The following POPDC3 variants were observed in gnomAD, a reference collection of about 807,000 sequenced individuals.
POPDC3 encodes the protein popeye domain-containing protein 3.
POPDC3 carries 20 observed loss-of-function variants against 28.2 expected under a neutral mutation model. The ratio of observed to expected loss-of-function variants is 0.71; its 90% CI spans 0.50 to 1.03. The LOEUF is 1.03. Among genes scored for constraint, POPDC3 ranks in the 50% least tolerant of loss-of-function variants. The pLI, the probability that POPDC3 is intolerant of heterozygous loss-of-function variation, is 0.00. For missense variants in POPDC3, 316 were observed against 345.9 expected (o/e 0.91, Z 0.69); for synonymous variants, 118 against 124.1 (o/e 0.95, Z 0.33).
At chr6:105,179,106 T>G (rs1045074638) in intron 1 of POPDC3, 1 of 985,336 alleles carries the variant, frequency 1.0e-6, no homozygotes, top group Non-Finnish European at 1.2e-6. Context: ...TTACTGTATT[T>G]TGGTTGTGCC....
intron 1 of POPDC3, among the ~76,000 whole-genome samples, chr6:105,164,327 A>C (rs1267757821): frequency 6.6e-6 from 1 of 152,196 alleles, no homozygotes; most frequent in Non-Finnish European, 1.5e-5. Context: ...GATTTGTAGG[A>C]TATATTGGGG....
intron 1 of POPDC3, among the ~76,000 whole-genome samples, chr6:105,171,019 T>G (rs1774566306): frequency 6.6e-6 from 1 of 152,166 alleles, no homozygotes; most frequent in African/African-American, 2.4e-5. Flanking sequence ...ATGAGCATGT[T>G]TTTATATAGG....
intron 1 of POPDC3, chr6:105,176,979 T>G: frequency 5.1e-6 from 1 of 194,580 alleles, no homozygotes; most frequent in Non-Finnish European, 9.4e-6. Flanking sequence ...AACAGCTGCA[T>G]TATTTGTATT....
In POPDC3 at chr6:105,163,497, A is replaced by G. The variant is rs562725142; in HGVS notation, c.-251-1337T>C. Among the ~76,000 whole-genome samples the G allele has an allele frequency of 2.0e-5, 3 of 152,356 alleles. No individual in the cohort carries two copies. In the South Asian group the frequency reaches 6.2e-4, roughly 32 times the overall value. On this transcript the variant is annotated intron_variant, in intron 1 of 3. Transcript: ENST00000254765. The stretch of plus-strand genomic sequence containing the variant: ...TTTTTTAAAACCATGGTAACATTCA[A>G]AAGCCTTGAACTTGTGTGCTATATT...
In POPDC3 at chr6:105,158,273, T is replaced by A; in HGVS notation, c.*197A>T. The A allele has an allele frequency of 1.9e-6, 1 of 521,868 alleles. No homozygotes were observed. Among genetic ancestry groups the A allele is most frequent in the Non-Finnish European group, 3.3e-6 (1 of 300,728 alleles). The allele number at this position is 521,868 out of a possible 1,614,324, so 32.3% of individuals were successfully genotyped here. A position where few individuals can be genotyped will look rare whatever the true frequency, so the allele number is the denominator to read the frequency against. On this transcript the variant is annotated 3_prime_UTR_variant, in exon 4 of 4. Transcript: ENST00000254765. Reference sequence around the variant, plus strand: ...TCCACCCCCTCCCCAATTATAACAATGAGAAATACAAGAAAAATTTGTAAA... The same window carrying A: ...TCCACCCCCTCCCCAATTATAACAAAGAGAAATACAAGAAAAATTTGTAAA...
intron 1 of POPDC3, among the ~76,000 whole-genome samples, chr6:105,168,281 C>T (rs973955018): frequency 6.6e-6 from 1 of 152,048 alleles, no homozygotes; most frequent in Non-Finnish European, 1.5e-5. Context: ...TTAATTTTCT[C>T]ATTTCATCTT....
intron 1 of POPDC3, among the ~76,000 whole-genome samples, chr6:105,165,051 T>C (rs1255906204): frequency 6.6e-6 from 1 of 152,212 alleles, no homozygotes; most frequent in Non-Finnish European, 1.5e-5. Flanking sequence ...CATGTCCAGC[T>C]TACAAATGAG....
chr6:105,169,144 A>G (rs1422923130), intron 1 of POPDC3: 2 of 152,242 alleles, frequency 1.3e-5, no homozygotes, highest in Non-Finnish European at 2.9e-5. Flanking sequence ...AAACACACAC[A>G]TAAACAGTTA....
chr6:105,174,666 AC>A (rs1442124695), intron 1 of POPDC3, among the ~76,000 whole-genome samples: 1 of 152,172 alleles, frequency 6.6e-6, no homozygotes, highest in Non-Finnish European at 1.5e-5. Flanking sequence ...GTTAAGTCAA[AC>A]CATTGTGAGT....
rs769396346 is a variant in POPDC3, at chr6:105,158,525, C to T, written c.821G>A (p.Arg274His). The T allele has an allele frequency of 2.0e-5, 32 of 1,613,678 alleles. No homozygotes were observed. In the Admixed American group the frequency reaches 3.3e-4, roughly 17 times the overall value. Residue 274 changes from arginine to histidine, a missense_variant, in exon 4 of 4, where the codon CGC (arginine) becomes CAC (histidine). Transcript: ENST00000254765. ...NFYQMSTPEI[R>H]RSPLTQHFQN... ...AAAATGTTGTGTCAGGGGTGATCTG[C>T]GTATTTCTGGAGTTGACATTTGATA...
At chr6:105,168,744 C>T (rs775011758) in intron 1 of POPDC3, 5 of 152,160 alleles carry the variant, frequency 3.3e-5, no homozygotes, top group Admixed American at 1.3e-4. Context: ...TACAGGACTC[C>T]ATCATAGGAC....
chr6:105,174,335 A>G (rs546735132), intron 1 of POPDC3, among the ~76,000 whole-genome samples: 1 of 152,134 alleles, frequency 6.6e-6, no homozygotes, highest in Non-Finnish European at 1.5e-5. Context: ...CACTGCGCCC[A>G]GCCAGAAATT....
intron 1 of POPDC3, among the ~76,000 whole-genome samples, chr6:105,164,747 T>A (rs190253055): frequency 3.3e-5 from 5 of 152,364 alleles, no homozygotes; most frequent in African/African-American, 1.2e-4. Flanking sequence ...ATTTCTTTCC[T>A]AAGCACTAGA....
intron 1 of POPDC3, chr6:105,178,828 AG>A (rs1774729474): frequency 2.0e-6 from 2 of 985,394 alleles, no homozygotes; most frequent in Non-Finnish European, 2.4e-6. Context: ...AAAAACAAGA[AG>A]GAAAAAAAAT....
Position 105,158,572 on chromosome 6 carries a change from A to C in POPDC3, c.774T>G (p.Tyr258Ter). ...DRVYIGKRYH[Y>*]DIRLPNFYQM... Reference sequence around the variant, plus strand: ...GATAGAAGTTGGGTAGCCGAATATCATAGTGATATCTTTTTCCTATATATA... The same window carrying C: ...GATAGAAGTTGGGTAGCCGAATATCCTAGTGATATCTTTTTCCTATATATA... Residue 258 changes from tyrosine to a stop codon, truncating the protein, a stop_gained, in exon 4 of 4, where the codon TAT (tyrosine) becomes TAG (stop). Coordinates refer to ENST00000254765, the MANE Select transcript of POPDC3 (RefSeq NM_022361.5). LOFTEE classifies it high-confidence loss of function. 1 of 1,614,170 alleles carries C rather than the reference A, an allele frequency of 6.2e-7. No individual in the cohort carries two copies. Among genetic ancestry groups the C allele is most frequent in the African/African-American group, 1.3e-5 (1 of 75,068 alleles).
Position 105,158,734 on chromosome 6 carries a change from T to A in POPDC3, c.612A>T (p.Glu204Asp), listed in dbSNP as rs1336548844. The A allele has an allele frequency of 6.2e-7, 1 of 1,611,524 alleles. No individual in the cohort carries two copies. The highest frequency in any genetic ancestry group is 1.1e-5 in the South Asian group (1 of 90,862). The change falls in exon 4 of 4, where the codon GAA (glutamate) becomes GAT (aspartate). Residue 204 changes from glutamate to aspartate, a missense_variant. Coordinates refer to ENST00000254765, the MANE Select transcript of POPDC3 (RefSeq NM_022361.5). The part of the protein sequence containing the change: ...EGIFQVTLTA[E>D]TDCRYVSWRR... ...TCCAAGACACATATCGACAATCAGT[T>A]TCTGCAGTGAGGGTTACCTAAAAAA...
chr6:105,170,189 C>T (rs540121152), intron 1 of POPDC3, among the ~76,000 whole-genome samples: 1 of 152,266 alleles, frequency 6.6e-6, no homozygotes, highest in East Asian at 1.9e-4. Flanking sequence ...CTGATTTCTC[C>T]ATATCCTGGA....
At chr6:105,162,790 C>A (rs959517358) in intron 1 of POPDC3, among the ~76,000 whole-genome samples, 15 of 152,190 alleles carry the variant, frequency 9.9e-5, no homozygotes, top group African/African-American at 3.4e-4. Context: ...GAACCAGAAT[C>A]ATTGCGGGTG....
chr6:105,169,018 A>G (rs1020540936), intron 1 of POPDC3: 3 of 152,202 alleles, frequency 2.0e-5, no homozygotes, highest in Non-Finnish European at 4.4e-5. Flanking sequence ...GGAGGTCCTG[A>G]GCAGAAGATC....
Sources: allele counts gnomAD v4.1 joint callset (sites outside exome capture counted in the v4.1 genomes callset), GRCh38; gene constraint gnomAD v4.1.1; transcripts MANE v1.5; gene names NCBI Gene and HGNC (gene_info 2026-07-23, HGNC 2026-07-21).